Variants in LCN12 observed in about 807,000 individuals in gnomAD.
LCN12 encodes the protein lipocalin 12, also known as epididymal-specific lipocalin-12.
A neutral mutation model predicts 23.7 loss-of-function variants in LCN12; 15 were observed. The ratio of observed to expected loss-of-function variants is 0.63; its 90% CI spans 0.42 to 0.97. The LOEUF (loss-of-function observed/expected upper bound fraction) is 0.97, where lower values mean the gene tolerates loss of function less well. Among genes scored for constraint, LCN12 ranks in the 50% least tolerant of loss-of-function variants. LCN12 has a pLI of 0.00. For synonymous variants in LCN12, 116 were observed against 111.5 expected (o/e 1.04, Z -0.25); for missense variants, 219 against 249.6 (o/e 0.88, Z 0.83).
At chr9:136,952,689 G>A (rs976397967) in intron 1 of LCN12, 7 of 653,182 alleles carry the variant, frequency 1.1e-5, no homozygotes, top group African/African-American at 7.3e-5. Flanking sequence ...CGGGAAGGCC[G>A]CACAGCCACT....
At chr9:136,950,815 G>C (rs979359538), upstream of LCN12, among the ~76,000 whole-genome samples, 17 of 152,210 alleles carry the variant, frequency 1.1e-4, no homozygotes, top group African/African-American at 4.1e-4. Flanking sequence ...AGTGAGGCCT[G>C]GGACAGAGCC....
At chr9:136,952,155 A>T (rs1564446053), upstream of LCN12, among the ~76,000 whole-genome samples, 1 of 152,096 alleles carries the variant, frequency 6.6e-6, no homozygotes, top group Non-Finnish European at 1.5e-5. Context: ...GAGAGCCCAC[A>T]CCAAGCCTGC....
chr9:136,950,686 T>C (rs1245348799), upstream of LCN12, among the ~76,000 whole-genome samples: 1 of 152,084 alleles, frequency 6.6e-6, no homozygotes, highest in East Asian at 1.9e-4. Context: ...GAAGGCGCCT[T>C]GGGGAGTTCA....
rs866843920 is a variant in LCN12, at chr9:136,954,867, G to A, written c.551-504G>A. Reference sequence around the variant, plus strand: ...TCCTCTTCCTGGAGGGATGCCCACCGTGCCCTTCTGATTCCCGCCTCTGGT... The same window carrying A: ...TCCTCTTCCTGGAGGGATGCCCACCATGCCCTTCTGATTCCCGCCTCTGGT... On this transcript the variant is annotated intron_variant, in intron 5 of 5. Coordinates refer to ENST00000371633, the MANE Select transcript of LCN12 (RefSeq NM_178536.4). 2.9e-5 allele frequency: 36 copies of A among 1,238,322 alleles called. 1 individual carries two copies. The highest frequency in any genetic ancestry group is 3.4e-4 in the Middle Eastern group (1 of 2,902). 76.7% of individuals were successfully genotyped at this position (1,238,322 alleles called of 1,614,324 possible). A position where few individuals can be genotyped will look rare whatever the true frequency, so the allele number is the denominator to read the frequency against.
intron 1 of LCN12, 72 bp from the exon 2 acceptor site, chr9:136,952,820 G>A (rs1237799135): frequency 1.5e-5 from 23 of 1,553,838 alleles, no homozygotes; most frequent in Middle Eastern, 2.3e-4. Context: ...CAGGGAGGGC[G>A]GGAGGGGGCT....
chr9:136,951,220 C>T (rs925936), upstream of LCN12: 33,208 of 152,338 alleles, frequency 0.22, 4,459 homozygotes, highest in Admixed American at 0.31. Context: ...AGCCCCAAGC[C>T]TGCCATTGCC....
In LCN12 at chr9:136,952,534, G is replaced by C. The variant is rs541600706; in HGVS notation, c.114+93G>C. ...AGCAGGCCTGGGGATGCTGCCCAGA[G>C]AGCCAGGACCAGCCGTGCTTCCAGG... On this transcript the variant is annotated intron_variant, in intron 1 of 5. Coordinates refer to ENST00000371633, the MANE Select transcript of LCN12 (RefSeq NM_178536.4). 95 of 917,628 alleles carry C rather than the reference G, an allele frequency of 1.0e-4. No individual in the cohort carries two copies. The African/African-American group carries it at 1.4e-3, about 14-fold the overall frequency. The allele number at this position is 917,628 out of a possible 1,614,324, so 56.8% of individuals were successfully genotyped here. A position where few individuals can be genotyped will look rare whatever the true frequency, so the allele number is the denominator to read the frequency against.
downstream of LCN12, among the ~76,000 whole-genome samples, chr9:136,956,473 C>T (rs151272186): frequency 3.3e-5 from 5 of 152,220 alleles, no homozygotes; most frequent in African/African-American, 9.6e-5. Context: ...ACGGCCCCAA[C>T]GAGATGGATC....
In LCN12 at chr9:136,954,674, C is replaced by T. The variant is rs566196498; in HGVS notation, c.550+419C>T. On this transcript the variant is annotated intron_variant, in intron 5 of 5. Transcript: ENST00000371633. The stretch of plus-strand genomic sequence containing the variant: ...CCTCTGGGTCCCCTGTCCTGGGCCA[C>T]CTCCTCCCCTCACCCATCCCTGCTC... 1.8e-3 allele frequency: 2,255 copies of T among 1,269,122 alleles called. 2 individuals carry two copies. The highest frequency in any genetic ancestry group is 2.0e-3 in the Non-Finnish European group (1,899 of 969,554). 78.6% of individuals were successfully genotyped at this position (1,269,122 alleles called of 1,614,324 possible).
Position 136,954,236 on chromosome 9 carries a change from C to T in LCN12, c.531C>T (p.Ile177=), listed in dbSNP as rs4880175. Residue 177 remains isoleucine (I), a synonymous_variant, in exon 5 of 6, where the codon ATC becomes ATT. Coordinates refer to ENST00000371633, the MANE Select transcript of LCN12 (RefSeq NM_178536.4). ...CTCAGGGCCTCTCGGATGACAACATCGTCTTCCCAGATGTGACTGGTAACA... is the reference window on the plus strand; with the variant it reads ...CTCAGGGCCTCTCGGATGACAACATTGTCTTCCCAGATGTGACTGGTAACA... ...GRAQGLSDDN[I]VFPDVTGWSP... 1,085,920 of 1,572,784 alleles carry T rather than the reference C, an allele frequency of 0.69. 377,331 individuals are homozygous for T. The highest frequency in any genetic ancestry group is 0.86 in the East Asian group (36,689 of 42,532).
intron 5 of LCN12, 48 bp from the exon 6 acceptor site, chr9:136,955,323 C>T (rs779684492): frequency 3.6e-5 from 57 of 1,597,152 alleles, no homozygotes; most frequent in Non-Finnish European, 4.7e-5. Context: ...TGGGCTCTGT[C>T]CCCTGCTCCC....
chr9:136,955,304 G>T, intron 5 of LCN12, 67 bp from the exon 6 acceptor site: 1 of 1,567,048 alleles, frequency 6.4e-7, no homozygotes, highest in South Asian at 1.2e-5. Context: ...GCCCTCCCTT[G>T]CTTCCTCCTG....
intron 4 of LCN12, 43 bp from the exon 5 acceptor site, chr9:136,954,111 C>G: frequency 6.6e-7 from 1 of 1,519,200 alleles, no homozygotes; most frequent in Non-Finnish European, 8.9e-7. Flanking sequence ...CCCCCAACCC[C>G]CTGCCAAGTG....
Position 136,953,686 on chromosome 9 carries a change from G to A in LCN12, c.252-14G>A, listed in dbSNP as rs1334086238. The stretch of plus-strand genomic sequence containing the variant: ...CTTCCGGAGCCTTCCGCCTCCACCT[G>A]TCCCCTCCTACAGAGGCCAGCACTG... On this transcript the variant is annotated splice_polypyrimidine_tract_variant and intron_variant, in intron 2 of 5. Transcript: ENST00000371633. 6.4e-7 allele frequency: 1 copy of A among 1,563,180 alleles called. No homozygotes were observed. Among genetic ancestry groups the A allele is most frequent in the African/African-American group, 1.3e-5 (1 of 74,294 alleles).
Position 136,953,927 on chromosome 9 carries a change from C to T in LCN12, c.411C>T (p.His137=), listed in dbSNP as rs373916013. The T allele has an allele frequency of 7.4e-6, 12 of 1,611,490 alleles. No individual in the cohort carries two copies. The Admixed American group carries it at 2.0e-4, about 27-fold the overall frequency. Reference sequence around the variant, plus strand: ...TCGCCCTGATGCTGTCCCGCAGACACACGAGCAGGCTGGCCGTCCTCAGGA... The same window carrying T: ...TCGCCCTGATGCTGTCCCGCAGACATACGAGCAGGCTGGCCGTCCTCAGGA... The part of the protein sequence containing the change: ...TQFALMLSRR[H]TSRLAVLRIS... The change falls in exon 4 of 6, where the codon CAC becomes CAT. Residue 137 remains histidine, a synonymous_variant. Coordinates refer to ENST00000371633, the MANE Select transcript of LCN12 (RefSeq NM_178536.4).
chr9:136,953,523 C>T, intron 2 of LCN12, 177 bp from the exon 3 acceptor site: 1 of 583,208 alleles, frequency 1.7e-6, no homozygotes, highest in South Asian at 2.0e-5. Flanking sequence ...ATCACTTGAA[C>T]TCAGGAGTTT....
upstream of LCN12, chr9:136,952,252 G>A: frequency 2.0e-6 from 2 of 1,008,300 alleles, no homozygotes; most frequent in Non-Finnish European, 3.1e-6. Context: ...GTATGTGCAT[G>A]AAGAGGTGGG....
At chr9:136,952,719 C>T in intron 1 of LCN12, 173 bp from the exon 2 acceptor site, 2 of 744,422 alleles carry the variant, frequency 2.7e-6, no homozygotes, top group Non-Finnish European at 4.3e-6. Flanking sequence ...CACCATGTCC[C>T]TGCCAGACCC....
At chr9:136,951,690 C>A (rs564280923), upstream of LCN12, among the ~76,000 whole-genome samples, 10 of 152,368 alleles carry the variant, frequency 6.6e-5, no homozygotes, top group African/African-American at 2.4e-4. Flanking sequence ...TGCCTGGGTG[C>A]TCTGCAGGCC....
Sources: gnomAD v4.1 joint callset for allele counts (sites outside exome capture counted in the v4.1 genomes callset) on GRCh38, gnomAD v4.1.1 for gene constraint, MANE v1.5 for transcripts, NCBI Gene and HGNC (gene_info 2026-07-23, HGNC 2026-07-21) for gene names.